Variants in CCM2L observed in about 807,000 individuals in gnomAD.
The protein encoded by CCM2L is CCM2 like scaffold protein.
A neutral mutation model predicts 54.1 loss-of-function variants in CCM2L; 36 were observed. The ratio of observed to expected loss-of-function variants is 0.67; its 90% confidence interval spans 0.51 to 0.88. CCM2L has a LOEUF of 0.88. Among genes scored for constraint, CCM2L ranks in the 40% least tolerant of loss-of-function variants. The probability of loss-of-function intolerance (pLI) is 0.00; values close to 1 mark genes in which losing one functional copy is unlikely to be tolerated. For missense variants in CCM2L, 700 were observed against 812.1 expected (o/e 0.86, Z 1.68); for synonymous variants, 351 against 359.3 (o/e 0.98, Z 0.26).
At chr20:32,013,763 A>G (rs2064714231) in intron 1 of CCM2L, among the ~76,000 whole-genome samples, 1 of 152,072 alleles carries the variant, frequency 6.6e-6, no homozygotes, top group African/African-American at 2.4e-5. Flanking sequence ...CCCAGGTAGT[A>G]CTAAAGGATA....
At position 32,015,061 on chromosome 20, in the gene CCM2L, AAG is replaced by A. The variant is rs2122318612; in HGVS notation, c.191_192del (p.Glu64GlyfsTer62). 3.3e-6 allele frequency: 5 copies of A among 1,520,920 alleles called. No individual in the cohort carries two copies. The East Asian group carries it at 1.3e-4, about 38-fold the overall frequency. The allele number at this position is 1,520,920 out of a possible 1,614,324, so 94.2% of individuals were successfully genotyped here. ...ATTCTGCTGTGTGACTACCTGGAGA[AAG>A]AGGTCAAGGTGCGTGCAGGATGAGA... is the stretch of plus-strand genomic sequence containing the variant. On this transcript the variant is annotated frameshift_variant, in exon 2 of 10. Coordinates refer to ENST00000452892, the MANE Select transcript of CCM2L (RefSeq NM_001365692.1). LOFTEE classifies it high-confidence loss of function.
rs1270699441 is a variant in CCM2L, at chr20:32,018,969, G to C, written c.493G>C (p.Gly165Arg). ...TGLGVDPVPAGVDASPGGAGR... is the reference protein window; with the variant it reads ...TGLGVDPVPARVDASPGGAGR... ...TCTGGGTGTGGACCCGGTGCCGGCC[G>C]GCGTGGATGCCAGCCCAGGCGGCGC... Residue 165 changes from glycine (G) to arginine (R), a missense_variant, in exon 5 of 10, where the codon GGC (glycine) becomes CGC (arginine). Gly to Arg is a moderately radical substitution (Grantham distance 125). Transcript: ENST00000452892. The C allele has an allele frequency of 7.1e-7, 1 of 1,402,992 alleles. No homozygotes were observed. Among genetic ancestry groups the C allele is most frequent in the Non-Finnish European group, 9.2e-7 (1 of 1,083,074 alleles). The allele number at this position is 1,402,992 out of a possible 1,614,324, so 86.9% of individuals were successfully genotyped here.
rs1482524462 is a variant in CCM2L at position 32,014,986 on chromosome 20, C to A, written c.113C>A (p.Pro38His). The A allele has an allele frequency of 3.8e-6, 6 of 1,585,960 alleles. No individual in the cohort carries two copies. The highest frequency in any genetic ancestry group is 5.1e-6 in the Non-Finnish European group (6 of 1,168,088). Residue 38 changes from proline to histidine, a missense_variant, in exon 2 of 10, where the codon CCC (proline) becomes CAC (histidine). Physicochemically the swap from Pro to His is moderately conservative, Grantham distance 77 (BLOSUM62 -2). Transcript: ENST00000452892. ...AACRSSVSRR[P>H]LHSMPLYPPD... The stretch of plus-strand genomic sequence containing the variant: ...TGTAGGAGCAGCGTGAGCCGCCGGC[C>A]CCTGCACTCGATGCCCCTTTATCCC...
At chr20:32,016,620 CACTCCAGCCCGGGCGACAGTGCGAG>C (rs1257872517) in intron 2 of CCM2L, among the ~76,000 whole-genome samples, 60 of 151,840 alleles carry the variant, frequency 4.0e-4, no homozygotes, top group African/African-American at 9.7e-5. Flanking sequence ...CACACTGCTG[CACTCCAGCCCGGGCGACAGTGCGAG>C]ACTCCAGCCC....
chr20:32,029,653 G>A (rs2064900093), intron 8 of CCM2L, 47 bp from the exon 9 acceptor site: 3 of 1,560,622 alleles, frequency 1.9e-6, no homozygotes, highest in South Asian at 1.2e-5. Flanking sequence ...CAGGGGTTGG[G>A]TGGCGCTGCT....
rs1406308583 is a variant in CCM2L at position 32,031,192 on chromosome 20, C to T, written c.1594C>T (p.Arg532Trp). Residue 532 changes from arginine to tryptophan, a missense_variant, in exon 10 of 10, where the codon CGG (arginine) becomes TGG (tryptophan). Coordinates refer to ENST00000452892, the MANE Select transcript of CCM2L (RefSeq NM_001365692.1). ...AQRPEAQAFH[R>W]LLADITHDIE... is the part of the protein sequence containing the mutation. ...GCGGCCCGAGGCACAGGCCTTCCAC[C>T]GGCTGCTGGCTGACATCACGCACGA... 1.5e-6 allele frequency: 2 copies of T among 1,301,616 alleles called. No individual in the cohort carries two copies. The highest frequency in any genetic ancestry group is 2.0e-6 in the Non-Finnish European group (2 of 988,530). The allele number at this position is 1,301,616 out of a possible 1,614,324, so 80.6% of individuals were successfully genotyped here.
At position 32,015,074 on chromosome 20, in the gene CCM2L, G is replaced by C. The variant is rs774042877; in HGVS notation, c.198+3G>C. ...ACTACCTGGAGAAAGAGGTCAAGGT[G>C]CGTGCAGGATGAGAAGGGGTGGGAA... On this transcript the variant is annotated splice_donor_region_variant and intron_variant, in intron 2 of 9. Transcript: ENST00000452892. The C allele has an allele frequency of 6.7e-7, 1 of 1,501,756 alleles. No homozygotes were observed. The highest frequency in any genetic ancestry group is 8.9e-7 in the Non-Finnish European group (1 of 1,128,204). The allele number at this position is 1,501,756 out of a possible 1,614,324, so 93.0% of individuals were successfully genotyped here.
At chr20:32,017,618 A>G (rs1031692816) in intron 2 of CCM2L, among the ~76,000 whole-genome samples, 182 bp from the exon 3 acceptor site, 2 of 152,198 alleles carry the variant, frequency 1.3e-5, no homozygotes, top group Non-Finnish European at 2.9e-5. Context: ...GAGTGAATAT[A>G]TAGAGAGCGC....
At chr20:32,021,587 T>C (rs1279676526) in intron 5 of CCM2L, among the ~76,000 whole-genome samples, 3 of 151,952 alleles carry the variant, frequency 2.0e-5, no homozygotes, top group Non-Finnish European at 4.4e-5. Flanking sequence ...GCTCAGGAGG[T>C]TGAGGCTGCA....
intron 5 of CCM2L, 23 bp downstream of exon 5, chr20:32,019,432 C>T: frequency 1.4e-6 from 2 of 1,468,402 alleles, no homozygotes; most frequent in Non-Finnish European, 1.8e-6. Context: ...GCAGCCTGCT[C>T]CCAAAGCCCG....
In CCM2L at chr20:32,017,805, G is replaced by A. The variant is rs1347364376; in HGVS notation, c.204G>A (p.Leu68=). The change falls in exon 3 of 10, where the codon CTG becomes CTA. Residue 68 remains leucine (L), a synonymous_variant. Coordinates refer to ENST00000452892, the MANE Select transcript of CCM2L (RefSeq NM_001365692.1). ...CDYLEKEVKF[L]GHLTWVTSSL... is the part of the protein sequence containing the mutation. ...TCACCCCGATTTCCATCCAGTTCCT[G>A]GGCCACCTTACCTGGGTGACTTCCT... 1 of 1,614,022 alleles carries A rather than the reference G, an allele frequency of 6.2e-7. No individual in the cohort carries two copies. The highest frequency in any genetic ancestry group is 1.7e-5 in the Admixed American group (1 of 60,012).
At chr20:32,028,747 G>A (rs1458308212) in intron 7 of CCM2L, 4 of 513,560 alleles carry the variant, frequency 7.8e-6, no homozygotes, top group Non-Finnish European at 1.4e-5. Context: ...GGGACCAGCA[G>A]GTGCAAACAC....
chr20:32,028,411 G>T (rs2064883349), intron 7 of CCM2L: 1 of 150,252 alleles, frequency 6.7e-6, no homozygotes, highest in Non-Finnish European at 1.5e-5. Context: ...TCCAGCCTCA[G>T]TGACAGAGCA....
At chr20:32,013,608 A>AT (rs57281825) in intron 1 of CCM2L, among the ~76,000 whole-genome samples, 2,859 of 146,924 alleles carry the variant, frequency 0.019, 34 homozygotes, top group Middle Eastern at 0.073. Flanking sequence ...CACCCGGCTA[A>AT]TTTTTTTTTT....
chr20:32,028,847 A>T, intron 7 of CCM2L, 148 bp from the exon 8 acceptor site: 1 of 958,630 alleles, frequency 1.0e-6, no homozygotes, highest in South Asian at 1.7e-5. Flanking sequence ...GCACAGTGAC[A>T]GATGAGACTT....
intron 2 of CCM2L, 143 bp downstream of exon 2, chr20:32,015,214 G>GC (rs1168866338): frequency 6.3e-6 from 5 of 793,804 alleles, no homozygotes; most frequent in Non-Finnish European, 9.1e-6. Context: ...TGTCAGCCTT[G>GC]CCCCCACCTT....
chr20:32,029,842 AG>A lies in CCM2L; in HGVS notation c.1402+5del. The A allele has an allele frequency of 6.3e-7, 1 of 1,594,968 alleles. No individual in the cohort carries two copies. Among genetic ancestry groups the A allele is most frequent in the Non-Finnish European group, 8.6e-7 (1 of 1,168,616 alleles). On this transcript the variant is annotated splice_donor_5th_base_variant and intron_variant, in intron 9 of 9. Transcript: ENST00000452892. ...CGGCGCAAGTTCCTCCTCCTTGGTG[AG>A]CCCCCGCTGTACCCCCAGAGGTCAG... is the stretch of plus-strand genomic sequence containing the variant.
At chr20:32,013,665 G>A (rs1179643775) in intron 1 of CCM2L, among the ~76,000 whole-genome samples, 1 of 151,920 alleles carries the variant, frequency 6.6e-6, no homozygotes, top group Non-Finnish European at 1.5e-5. Context: ...GTCAAGGCTG[G>A]TCTCAAACTC....
At chr20:32,015,536 G>T (rs2064734005) in intron 2 of CCM2L, among the ~76,000 whole-genome samples, 1 of 152,186 alleles carries the variant, frequency 6.6e-6, no homozygotes, top group Non-Finnish European at 1.5e-5. Context: ...TGGCTGCAAG[G>T]ATCAATAACA....
Sources: gnomAD v4.1 joint callset for allele counts (sites outside exome capture counted in the v4.1 genomes callset) on GRCh38, gnomAD v4.1.1 for gene constraint, MANE v1.5 for transcripts, NCBI Gene and HGNC (gene_info 2026-07-23, HGNC 2026-07-21) for gene names.